Variants in SYTL4 observed in about 807,000 individuals in gnomAD.
SYTL4 encodes the protein synaptotagmin like 4.
A neutral mutation model predicts 52.7 loss-of-function variants in SYTL4; 16 were observed. That is an observed-to-expected ratio of 0.30 (90% CI 0.21 to 0.46). SYTL4 has a LOEUF of 0.46. SYTL4 is among the 20% of genes least tolerant of loss of function. The pLI, the probability that SYTL4 is intolerant of heterozygous loss-of-function variation, is 1.00. For missense variants in SYTL4, 423 were observed against 519.9 expected, an observed-to-expected ratio of 0.81 and a Z score of 1.81; for synonymous variants, 160 against 186.6, an observed-to-expected ratio of 0.86 and a Z score of 1.16.
At chrX:100,729,724 G>A (rs2084600651) in intron 2 of SYTL4, among the ~76,000 whole-genome samples, 1 of 111,198 alleles carries the variant, frequency 9.0e-6, no homozygotes, top group African/African-American at 3.3e-5. Context: ...TTACTGAGGT[G>A]TAAACAAAGT....
At chrX:100,723,267 G>A (rs947739000) in intron 2 of SYTL4, among the ~76,000 whole-genome samples, 17 of 111,688 alleles carry the variant, frequency 1.5e-4, no homozygotes, top group Non-Finnish European at 2.6e-4. Flanking sequence ...TCGCAGGCGC[G>A]CGCCGCCACG....
At chrX:100,698,394 T>C (rs766968444) in intron 8 of SYTL4, among the ~76,000 whole-genome samples, 39 of 112,254 alleles carry the variant, frequency 3.5e-4, no homozygotes, top group East Asian at 8.5e-4. Flanking sequence ...TGAGCCACTG[T>C]GCCCAGCCCT....
intron 2 of SYTL4, among the ~76,000 whole-genome samples, chrX:100,717,086 T>C (rs2147811526): frequency 8.9e-6 from 1 of 111,929 alleles, no homozygotes; most frequent in Admixed American, 9.5e-5. Context: ...CAAATCTTAC[T>C]TCTTTCCCTG....
chrX:100,684,873 A>G (rs1010946957), intron 16 of SYTL4: 1 of 110,397 alleles, frequency 9.1e-6, no homozygotes, highest in Non-Finnish European at 1.9e-5. Flanking sequence ...ATTTTTTTGT[A>G]TTTAGTAGAG....
chrX:100,723,709 T>C (rs1298319877), intron 2 of SYTL4, among the ~76,000 whole-genome samples: 31 of 99,476 alleles, frequency 3.1e-4, no homozygotes, highest in African/African-American at 1.1e-3. Context: ...CCGTCTGGGA[T>C]GTGAGGAGCG....
chrX:100,717,568 G>T (rs898110427), intron 2 of SYTL4, among the ~76,000 whole-genome samples: 2 of 112,965 alleles, frequency 1.8e-5, no homozygotes, highest in Admixed American at 1.9e-4. Context: ...CATCATGTGT[G>T]GCTGGCGGGT....
At chrX:100,721,905 G>A (rs996676168) in intron 2 of SYTL4, among the ~76,000 whole-genome samples, 8 of 110,145 alleles carry the variant, frequency 7.3e-5, no homozygotes, top group African/African-American at 2.0e-4. Flanking sequence ...GGATTCAAGC[G>A]ATTCTCCTGC....
At chrX:100,689,193 T>C (rs1214693021) in intron 12 of SYTL4, among the ~76,000 whole-genome samples, 1 of 99,033 alleles carries the variant, frequency 1.0e-5, no homozygotes, top group Non-Finnish European at 2.0e-5. Flanking sequence ...GGAAATACAG[T>C]GAGACTCCCA....
chrX:100,708,060 C>T (rs1353371819), intron 2 of SYTL4, among the ~76,000 whole-genome samples: 1 of 103,452 alleles, frequency 9.7e-6, no homozygotes, highest in African/African-American at 3.6e-5. Flanking sequence ...GAACATCATA[C>T]ACCGGGGCCT....
chrX:100,702,333 T>C (rs1350785171), intron 4 of SYTL4, among the ~76,000 whole-genome samples: 1 of 112,374 alleles, frequency 8.9e-6, no homozygotes, highest in African/African-American at 3.2e-5. Flanking sequence ...GGGAAAAGGA[T>C]TGGTTATTCA....
chrX:100,694,781 A>C (rs948180025), intron 8 of SYTL4, among the ~76,000 whole-genome samples: 6 of 111,990 alleles, frequency 5.4e-5, no homozygotes, highest in African/African-American at 1.9e-4. Flanking sequence ...ATAGATGCAC[A>C]AAGAATGAGG....
At chrX:100,715,268 C>T (rs1206924905) in intron 2 of SYTL4, among the ~76,000 whole-genome samples, 1 of 112,098 alleles carries the variant, frequency 8.9e-6, no homozygotes, top group Admixed American at 9.4e-5. Context: ...AGTGATCCTC[C>T]TGCCTCGGCC....
intron 16 of SYTL4, chrX:100,685,195 C>T (rs1185321523): frequency 8.1e-5 from 9 of 111,705 alleles, no homozygotes; most frequent in Non-Finnish European, 1.7e-4. Context: ...CTAAATATTC[C>T]TTCTACCTCA....
chrX:100,689,658 A>G (rs1463263716), intron 12 of SYTL4, among the ~76,000 whole-genome samples, 198 bp downstream of exon 12: 2 of 107,158 alleles, frequency 1.9e-5, no homozygotes, highest in African/African-American at 6.7e-5. Context: ...AAAAAAAAAA[A>G]AAAAAGAGAT....
intron 2 of SYTL4, among the ~76,000 whole-genome samples, chrX:100,716,450 C>CAAAAAAAAAAAAAAAAAAAAAAA (rs200368843): frequency 3.9e-5 from 1 of 25,773 alleles, no homozygotes; most frequent in Non-Finnish European, 5.5e-5. Flanking sequence ...AACTCCATCT[C>CAAAAAAAAAAAAAAAAAAAAAAA]AAAAAAAAAA....
intron 2 of SYTL4, among the ~76,000 whole-genome samples, chrX:100,724,473 T>C (rs759421829): frequency 1.3e-4 from 14 of 105,097 alleles, no homozygotes; most frequent in East Asian, 6.2e-4. Context: ...ATGGTTGCCA[T>C]GTCTGTGTAG....
Position 100,676,002 on chromosome X carries a change from C to A in SYTL4, c.*26G>T, listed in dbSNP as rs766996024. 57 of 1,198,952 alleles carry A rather than the reference C, an allele frequency of 4.8e-5. No individual in the cohort carries two copies. The highest frequency in any genetic ancestry group is 6.3e-5 in the Non-Finnish European group (56 of 889,677). Reference sequence around the variant, plus strand: ...TTCCTCTGACCTGCCCTCGCCAGGGCTGGACCTGCAGAAGAGGACAGGGAC... The same window carrying A: ...TTCCTCTGACCTGCCCTCGCCAGGGATGGACCTGCAGAAGAGGACAGGGAC... On this transcript the variant is annotated 3_prime_UTR_variant, in exon 20 of 20. Transcript: ENST00000372989.
chrX:100,710,547 G>C (rs1170142377), intron 2 of SYTL4, among the ~76,000 whole-genome samples: 1 of 112,088 alleles, frequency 8.9e-6, no homozygotes, highest in African/African-American at 3.2e-5. Flanking sequence ...AAGGTGGAAT[G>C]AATTTCCACC....
In SYTL4 at chrX:100,678,520, G is replaced by C. The variant is rs1186478789; in HGVS notation, c.1738C>G (p.His580Asp). Reference sequence around the variant, plus strand: ...CTCACACCATTGTAGACAAATGTATGGTTGTAGTGAGGATTCAGGGTCTTC... The same window carrying C: ...CTCACACCATTGTAGACAAATGTATCGTTGTAGTGAGGATTCAGGGTCTTC... ...MKKTLNPHYN[H>D]TFVYNGVRLE... Residue 580 changes from histidine (H) to aspartate (D), a missense_variant, in exon 19 of 20, where the codon CAT becomes GAT. Transcript: ENST00000372989. 7.4e-6 allele frequency: 9 copies of C among 1,210,521 alleles called. No individual in the cohort carries two copies. The highest frequency in any genetic ancestry group is 1.0e-5 in the Non-Finnish European group (9 of 894,396).
Sources: gnomAD v4.1 joint callset for allele counts (sites outside exome capture counted in the v4.1 genomes callset) on GRCh38, gnomAD v4.1.1 for gene constraint, MANE v1.5 for transcripts, NCBI Gene and HGNC (gene_info 2026-07-23, HGNC 2026-07-21) for gene names.